The following PTPRD variants were observed in gnomAD, a reference collection of about 807,000 sequenced individuals.
The protein encoded by PTPRD is protein tyrosine phosphatase receptor type D.
PTPRD carries 34 observed loss-of-function variants against 214.5 expected under a neutral mutation model. The observed-to-expected ratio is 0.16, with a 90% CI of 0.12 to 0.21. PTPRD has a LOEUF of 0.21. Ranked by LOEUF, PTPRD falls within the 10% of genes least tolerant of loss-of-function variation. PTPRD has a pLI of 1.00. For missense variants in PTPRD, 2,545 were observed against 2,398.7 expected, an observed-to-expected ratio of 1.06 and a Z score of -1.27; for synonymous variants, 1,128 against 845.7, an observed-to-expected ratio of 1.33 and a Z score of -5.79.
chr9:9,563,091 C>T (rs528962309), intron 8 of PTPRD, among the ~76,000 whole-genome samples: 23 of 152,202 alleles, frequency 1.5e-4, no homozygotes, highest in African/African-American at 5.5e-4. Context: ...TAATTGTACC[C>T]ACTTTATTAT....
chr9:10,065,371 A>G (rs2097858797), intron 3 of PTPRD, among the ~76,000 whole-genome samples: 1 of 151,842 alleles, frequency 6.6e-6, no homozygotes, highest in Non-Finnish European at 1.5e-5. Flanking sequence ...TTTGACAAAA[A>G]CAAAACACCA....
At chr9:10,287,098 C>A (rs1181699411) in intron 3 of PTPRD, among the ~76,000 whole-genome samples, 1 of 152,162 alleles carries the variant, frequency 6.6e-6, no homozygotes, top group Non-Finnish European at 1.5e-5. Context: ...AGGCGACTAA[C>A]TTACTGGTGA....
intron 8 of PTPRD, among the ~76,000 whole-genome samples, chr9:9,422,253 C>G (rs991467981): frequency 1.3e-5 from 2 of 152,042 alleles, no homozygotes; most frequent in African/African-American, 2.4e-5. Flanking sequence ...GTAGCTTGCT[C>G]CAGGTCACAC....
At chr9:9,202,302 T>A (rs1028666343) in intron 9 of PTPRD, among the ~76,000 whole-genome samples, 1 of 152,190 alleles carries the variant, frequency 6.6e-6, no homozygotes, top group East Asian at 1.9e-4. Flanking sequence ...GAAGTCCCTA[T>A]GCAAGATGGT....
chr9:10,548,729 A>T (rs923467671), intron 2 of PTPRD, among the ~76,000 whole-genome samples: 2 of 64,848 alleles, frequency 3.1e-5, no homozygotes, highest in Non-Finnish European at 6.5e-5. Context: ...TTGCCACTAG[A>T]TTAACTTTGA....
At chr9:9,419,026 T>G (rs568480444) in intron 8 of PTPRD, among the ~76,000 whole-genome samples, 268 of 151,674 alleles carry the variant, frequency 1.8e-3, no homozygotes, top group Non-Finnish European at 2.8e-3. Context: ...GAATATTTTG[T>G]GCAAAAATTG....
At chr9:9,074,046 C>G (rs1416201376) in intron 10 of PTPRD, among the ~76,000 whole-genome samples, 3 of 151,960 alleles carry the variant, frequency 2.0e-5, no homozygotes, top group Non-Finnish European at 2.9e-5. Context: ...CCTAAGATTT[C>G]ATTAAATAGA....
intron 9 of PTPRD, among the ~76,000 whole-genome samples, chr9:9,218,626 C>G (rs2099953844): frequency 6.6e-6 from 1 of 152,084 alleles, no homozygotes; most frequent in South Asian, 2.1e-4. Flanking sequence ...ACAGGTAAGA[C>G]TGGTGAGCAC....
chr9:10,250,332 T>A (rs984769808), intron 3 of PTPRD, among the ~76,000 whole-genome samples: 2 of 152,134 alleles, frequency 1.3e-5, no homozygotes, highest in Non-Finnish European at 2.9e-5. Context: ...AAATTTTAAA[T>A]TAACCACAAT....
intron 3 of PTPRD, among the ~76,000 whole-genome samples, chr9:10,132,710 C>A (rs10121068): frequency 0.096 from 14,537 of 152,166 alleles, 780 homozygotes; most frequent in East Asian, 0.13. Flanking sequence ...TAAGTGGAAG[C>A]CCATTCTGTA....
intron 11 of PTPRD, among the ~76,000 whole-genome samples, chr9:8,980,697 A>T (rs1340737965): frequency 6.6e-6 from 1 of 152,102 alleles, no homozygotes; most frequent in African/African-American, 2.4e-5. Flanking sequence ...GAGACTGAAC[A>T]ATGTGATCAT....
intron 8 of PTPRD, among the ~76,000 whole-genome samples, chr9:9,411,009 C>T (rs1022961665): frequency 6.6e-6 from 1 of 151,748 alleles, no homozygotes; most frequent in East Asian, 1.9e-4. Context: ...TACATGTTTG[C>T]TTTTTTTTCC....
At chr9:9,927,372 G>C in intron 5 of PTPRD, among the ~76,000 whole-genome samples, 1 of 151,966 alleles carries the variant, frequency 6.6e-6, no homozygotes, top group East Asian at 1.9e-4. Context: ...CCTTTCCTAA[G>C]TGCCCTCTAC....
At chr9:10,418,322 C>G (rs1025861271) in intron 2 of PTPRD, among the ~76,000 whole-genome samples, 1 of 151,548 alleles carries the variant, frequency 6.6e-6, no homozygotes, top group African/African-American at 2.4e-5. Context: ...ACACTTCGCC[C>G]TTGGTTAATT....
At chr9:9,332,670 C>A (rs977814940) in intron 9 of PTPRD, among the ~76,000 whole-genome samples, 8 of 151,376 alleles carry the variant, frequency 5.3e-5, no homozygotes, top group African/African-American at 1.5e-4. Context: ...ATAGAAACAA[C>A]CAGCTCTTGA....
At chr9:9,190,677 G>T (rs539367081) in intron 9 of PTPRD, among the ~76,000 whole-genome samples, 1 of 152,206 alleles carries the variant, frequency 6.6e-6, no homozygotes, top group South Asian at 2.1e-4. Context: ...CCTGAGAACT[G>T]TGAGCCAGTA....
intron 2 of PTPRD, among the ~76,000 whole-genome samples, chr9:10,341,610 T>C (rs1216674888): frequency 3.9e-5 from 6 of 152,004 alleles, no homozygotes; most frequent in African/African-American, 7.2e-5. Flanking sequence ...GCAAAAATTA[T>C]GCAAGAAATC....
At chr9:9,707,939 A>G (rs1297166636) in intron 7 of PTPRD, among the ~76,000 whole-genome samples, 3 of 152,026 alleles carry the variant, frequency 2.0e-5, no homozygotes, top group African/African-American at 7.2e-5. Flanking sequence ...TCTCATAGAC[A>G]TATACCTAGC....
At chr9:10,500,636 G>A (rs1257528253) in intron 2 of PTPRD, among the ~76,000 whole-genome samples, 1 of 151,612 alleles carries the variant, frequency 6.6e-6, no homozygotes, top group African/African-American at 2.4e-5. Context: ...GCAAATAATG[G>A]ATCTTTTCAT....
Sources: gnomAD v4.1 joint callset for allele counts (sites outside exome capture counted in the v4.1 genomes callset) on GRCh38, gnomAD v4.1.1 for gene constraint, MANE v1.5 for transcripts, NCBI Gene and HGNC (gene_info 2026-07-23, HGNC 2026-07-21) for gene names.